TTYH2: variants seen among roughly 807,000 people sequenced by gnomAD.
TTYH2 encodes protein tweety homolog 2.
In TTYH2, 49 loss-of-function variants were observed where a neutral mutation model predicts 68.3. The observed-to-expected ratio is 0.72, with a 90% CI of 0.57 to 0.91. The LOEUF is 0.91. TTYH2 is among the 40% of genes least tolerant of loss of function. The pLI is 0.00. For synonymous variants in TTYH2, 272 were observed against 300.8 expected (o/e 0.90, Z 0.99); for missense variants, 631 against 700.4 (o/e 0.90, Z 1.12).
Position 74,222,524 on chromosome 17 carries a change from G to A in TTYH2, c.169G>A (p.Gly57Ser). Residue 57 changes from glycine to serine, a missense_variant, in exon 2 of 14, where the codon GGC (glycine) becomes AGC (serine). Transcript: ENST00000269346. The surrounding 1 kb of genome is among the most constrained non-coding windows in gnomAD (Gnocchi z 5.2). ...FLGLVAAVCL[G>S]LNLIFLVAYL... ...GGGGCTGGTGGCCGCCGTCTGCCTG[G>A]GCCTGAACCTCATCTTCCTTGTGGC... 1.2e-6 allele frequency: 2 copies of A among 1,612,060 alleles called. No homozygotes were observed. Among genetic ancestry groups the A allele is most frequent in the East Asian group, 2.2e-5 (1 of 44,874 alleles).
At chr17:74,219,387 C>CAAACAAAAAAAAAAAAAAAA (rs2050253579) in intron 1 of TTYH2, among the ~76,000 whole-genome samples, 1 of 88,506 alleles carries the variant, frequency 1.1e-5, no homozygotes, top group Non-Finnish European at 2.2e-5. Context: ...GACTCCGTGT[C>CAAACAAAAAAAAAAAAAAAA]AAAAAAAAAA....
chr17:74,256,193 T>C (rs946947178), intron 13 of TTYH2, among the ~76,000 whole-genome samples: 9 of 152,122 alleles, frequency 5.9e-5, no homozygotes, highest in African/African-American at 2.2e-4. Context: ...TTCCAGAAGG[T>C]TCTATTTAAT....
At chr17:74,252,930 G>T in intron 11 of TTYH2, 151 bp from the exon 12 acceptor site, 1 of 733,926 alleles carries the variant, frequency 1.4e-6, no homozygotes, top group South Asian at 1.8e-5. Flanking sequence ...TCTGCAGGAG[G>T]CAGGCTGGGG....
At chr17:74,234,464 G>T (rs1598220664) in intron 3 of TTYH2, among the ~76,000 whole-genome samples, 2 of 152,214 alleles carry the variant, frequency 1.3e-5, no homozygotes, top group African/African-American at 2.4e-5. Context: ...GTGGGGAGTT[G>T]TAAGTAGGTC....
chr17:74,238,960 C>T (rs2050472099), intron 4 of TTYH2, among the ~76,000 whole-genome samples: 1 of 152,020 alleles, frequency 6.6e-6, no homozygotes, highest in Non-Finnish European at 1.5e-5. Context: ...ATCCTCCCAC[C>T]TCAGCCTCCC....
At chr17:74,248,232 G>GC (rs1050569445) in intron 6 of TTYH2, 25 of 979,080 alleles carry the variant, frequency 2.6e-5, no homozygotes, top group Non-Finnish European at 2.8e-5. Flanking sequence ...GAAGGCGGAG[G>GC]CCCCCCAGTT....
At chr17:74,238,704 T>TA (rs1159972862) in intron 4 of TTYH2, among the ~76,000 whole-genome samples, 1 of 151,784 alleles carries the variant, frequency 6.6e-6, no homozygotes, top group South Asian at 2.1e-4. Context: ...CTGTCTCTAC[T>TA]AAAAAATACA....
rs1297055717 is a variant in TTYH2 at position 74,261,130 on chromosome 17, CT to C, written c.*925del. 1.3e-5 allele frequency: 2 copies of C among 152,636 alleles called. No homozygotes were observed. Among genetic ancestry groups the C allele is most frequent in the African/African-American group, 4.8e-5 (2 of 41,462 alleles). The allele number at this position is 152,636 out of a possible 1,614,324, so 9.5% of individuals were successfully genotyped here. On this transcript the variant is annotated 3_prime_UTR_variant, in exon 14 of 14. Transcript: ENST00000269346. ...ATTCCTTACCCTGGTTAGGTCACTACTTTTGCAGATTTTGCTGGCACTGATC... is the reference window on the plus strand; with the variant it reads ...ATTCCTTACCCTGGTTAGGTCACTACTTTGCAGATTTTGCTGGCACTGATC...
rs1031171600 is a variant in TTYH2, at chr17:74,219,387, C to CA, written c.130-3082dup. Reference sequence around the variant, plus strand: ...CTGGCGACAGAGCAAGACTCCGTGTCAAAAAAAAAAAAAAAAGAATAACTT... The same window carrying CA: ...CTGGCGACAGAGCAAGACTCCGTGTCAAAAAAAAAAAAAAAAAGAATAACTT... On this transcript the variant is annotated intron_variant, in intron 1 of 13. Transcript: ENST00000269346. 4.9e-3 allele frequency among the ~76,000 whole-genome samples: 432 copies of CA among 88,382 alleles called. 5 individuals carry two copies. The highest frequency in any genetic ancestry group is 8.8e-3 in the Admixed American group (79 of 9,000). The allele number at this position is 88,382 out of a possible 152,430, so 58.0% of individuals were successfully genotyped here.
chr17:74,251,465 C>G (rs1157486510), intron 10 of TTYH2, among the ~76,000 whole-genome samples: 1 of 152,022 alleles, frequency 6.6e-6, no homozygotes, highest in Non-Finnish European at 1.5e-5. Context: ...GGTTTAGATC[C>G]TGGTAGTCTG....
intron 1 of TTYH2, among the ~76,000 whole-genome samples, chr17:74,220,638 T>C (rs7210643): frequency 0.062 from 9,415 of 152,212 alleles, 670 homozygotes; most frequent in African/African-American, 0.17. Flanking sequence ...TCTCTTTCTA[T>C]CCCTGGGCTT....
At chr17:74,255,973 G>A (rs183359039) in intron 13 of TTYH2, among the ~76,000 whole-genome samples, 1 of 152,202 alleles carries the variant, frequency 6.6e-6, no homozygotes, top group African/African-American at 2.4e-5. Flanking sequence ...GGAAGTGCAC[G>A]CACAGGCACC....
intron 2 of TTYH2, among the ~76,000 whole-genome samples, chr17:74,230,301 C>T (rs1006226037): frequency 4.6e-4 from 70 of 151,024 alleles, no homozygotes; most frequent in African/African-American, 1.3e-3. Flanking sequence ...CACTACGTTG[C>T]GCAGGCTGGT....
chr17:74,244,080 G>T, intron 6 of TTYH2, 31 bp downstream of exon 6: 1 of 1,602,554 alleles, frequency 6.2e-7, no homozygotes. Context: ...GGTGGTGGGT[G>T]GTGGTTGGTC....
rs1555597861 is a variant in TTYH2 at position 74,227,987 on chromosome 17, T to TTTCTTTC, written c.303-2899_303-2898insCTTTCTT. Among the ~76,000 whole-genome samples, 4 of 142,388 alleles carry TTTCTTTC rather than the reference T, an allele frequency of 2.8e-5. 1 individual carries two copies. Among genetic ancestry groups the TTTCTTTC allele is most frequent in the African/African-American group, 1.1e-4 (4 of 35,028 alleles). The allele number at this position is 142,388 out of a possible 152,430, so 93.4% of individuals were successfully genotyped here. A position where few individuals can be genotyped will look rare whatever the true frequency, so the allele number is the denominator to read the frequency against. On this transcript the variant is annotated intron_variant, in intron 2 of 13. Coordinates refer to ENST00000269346, the MANE Select transcript of TTYH2 (RefSeq NM_032646.6). Reference sequence around the variant, plus strand: ...GAGGTTTCTTTTCTTTTCTTTCTTTTTTTTTTTTTTTTTTGAGATAGAGTC... The same window carrying TTTCTTTC: ...GAGGTTTCTTTTCTTTTCTTTCTTTTTTCTTTCTTTTTTTTTTTTTTGAGATAGAGTC...
In TTYH2 at chr17:74,215,919, G is replaced by A. The variant is rs1598210446; in HGVS notation, c.129+2203G>A. ...ATTGCTGGGGATTTTCTGCGGCTGG[G>A]CTCTGGGCGCAGTGCTATGGCAGAC... On this transcript the variant is annotated intron_variant, in intron 1 of 13. Coordinates refer to ENST00000269346, the MANE Select transcript of TTYH2 (RefSeq NM_032646.6). The surrounding 1 kb of genome is among the most constrained non-coding windows in gnomAD (Gnocchi z 4.3). Among the ~76,000 whole-genome samples, 1 of 152,330 alleles carries A rather than the reference G, an allele frequency of 6.6e-6. No individual in the cohort carries two copies. Among genetic ancestry groups the A allele is most frequent in the African/African-American group, 2.4e-5 (1 of 41,552 alleles).
intron 3 of TTYH2, among the ~76,000 whole-genome samples, chr17:74,236,835 G>A (rs368100377): frequency 1.5e-3 from 227 of 152,098 alleles, no homozygotes; most frequent in African/African-American, 5.1e-3. Flanking sequence ...GCACAGGCTC[G>A]AGATCTTCAG....
intron 1 of TTYH2, among the ~76,000 whole-genome samples, chr17:74,221,484 C>A: frequency 6.6e-6 from 1 of 152,182 alleles, no homozygotes; most frequent in Admixed American, 6.5e-5. Context: ...CCCAGCAGCA[C>A]CCCCAGAGCA....
intron 3 of TTYH2, among the ~76,000 whole-genome samples, chr17:74,234,620 A>G (rs2050423818): frequency 6.6e-6 from 1 of 152,250 alleles, no homozygotes; most frequent in East Asian, 1.9e-4. Context: ...AAGAAAGAGA[A>G]GGCATGACAA....
Sources: allele counts gnomAD v4.1 joint callset (sites outside exome capture counted in the v4.1 genomes callset), GRCh38; gene constraint gnomAD v4.1.1; non-coding constraint Gnocchi (gnomAD v3.1); transcripts MANE v1.5; gene names NCBI Gene and HGNC (gene_info 2026-07-23, HGNC 2026-07-21).